The following TRPM3 variants were observed in gnomAD, a reference collection of about 807,000 sequenced individuals.
TRPM3 encodes the protein long transient receptor potential channel 3.
In TRPM3, 77 loss-of-function variants were observed where a neutral mutation model predicts 181.2. That is an observed-to-expected ratio of 0.42 (90% CI 0.35 to 0.51). The LOEUF is 0.51. Ranked by LOEUF, TRPM3 falls within the 20% of genes least tolerant of loss-of-function variation. The pLI is 0.01. For synonymous variants in TRPM3, 745 were observed against 796.4 expected (o/e 0.94, Z 1.09); for missense variants, 1,759 against 2,196.7 (o/e 0.80, Z 3.98).
At chr9:71,315,522 G>A (rs921106813) in intron 1 of TRPM3, among the ~76,000 whole-genome samples, 4 of 151,972 alleles carry the variant, frequency 2.6e-5, no homozygotes, top group Admixed American at 6.6e-5. Flanking sequence ...TATAGCTTGA[G>A]CTCTAAATTT....
intron 1 of TRPM3, among the ~76,000 whole-genome samples, chr9:70,925,999 A>C (rs1218573901): frequency 0.022 from 10 of 448 alleles, no homozygotes; most frequent in Admixed American, 0.18. Flanking sequence ...TGGGAAAACA[A>C]AAAAAAAAAA....
chr9:71,264,448 T>C (rs2083257380), intron 1 of TRPM3, among the ~76,000 whole-genome samples: 1 of 152,134 alleles, frequency 6.6e-6, no homozygotes, highest in Non-Finnish European at 1.5e-5. Context: ...AGGGAGTGAA[T>C]GATGTTTCAG....
chr9:70,688,347 T>C (rs897429996), intron 8 of TRPM3, among the ~76,000 whole-genome samples: 7 of 152,204 alleles, frequency 4.6e-5, no homozygotes, highest in Non-Finnish European at 1.0e-4. Flanking sequence ...GGCCTTTGGT[T>C]ACATGGATAA....
intron 9 of TRPM3, among the ~76,000 whole-genome samples, chr9:70,662,873 A>C (rs2061324303): frequency 6.6e-6 from 1 of 152,218 alleles, no homozygotes. Context: ...CATTTAGTCC[A>C]GCAATCCTGC....
intron 1 of TRPM3, among the ~76,000 whole-genome samples, chr9:71,290,027 C>T (rs781438647): frequency 2.6e-5 from 4 of 151,480 alleles, no homozygotes; most frequent in Non-Finnish European, 4.4e-5. Flanking sequence ...ATCAAAGTAT[C>T]ACATGTACCC....
chr9:71,040,765 G>T (rs139095789), intron 1 of TRPM3, among the ~76,000 whole-genome samples: 1 of 152,056 alleles, frequency 6.6e-6, no homozygotes, highest in African/African-American at 2.4e-5. Context: ...GGTGTCTTCC[G>T]ATACAAGCCA....
At chr9:70,601,079 C>T (rs561777217) in intron 20 of TRPM3, among the ~76,000 whole-genome samples, 2 of 152,190 alleles carry the variant, frequency 1.3e-5, no homozygotes, top group South Asian at 2.1e-4. Context: ...AGTCTAGGGA[C>T]GGATCTGTCA....
intron 8 of TRPM3, among the ~76,000 whole-genome samples, chr9:70,689,462 G>A (rs985695026): frequency 2.0e-5 from 3 of 151,606 alleles, no homozygotes; most frequent in African/African-American, 7.2e-5. Flanking sequence ...ACTGTGAAAA[G>A]TTAGTGTTAT....
intron 1 of TRPM3, among the ~76,000 whole-genome samples, chr9:71,130,313 A>C (rs2074291875): frequency 6.6e-6 from 1 of 152,216 alleles, no homozygotes; most frequent in Non-Finnish European, 1.5e-5. Context: ...ATCTCAAAAA[A>C]ATACCATGAT....
chr9:71,330,345 A>G (rs996908378), intron 1 of TRPM3, among the ~76,000 whole-genome samples: 2 of 151,882 alleles, frequency 1.3e-5, no homozygotes, highest in Non-Finnish European at 2.9e-5. Context: ...GCCTGCTCCA[A>G]TGAGAGAAAA....
chr9:70,659,408 G>A lies in TRPM3; in HGVS notation c.1346-18748C>T, dbSNP rs544370876. 5.3e-5 allele frequency among the ~76,000 whole-genome samples: 8 copies of A among 152,144 alleles called. No homozygotes were observed. In the East Asian group the frequency reaches 1.4e-3, roughly 26 times the overall value. ...TGACCCAACTCATAGGTATTTGATG[G>A]TACAAATCCATGGCTGGGTTGGGTT... On this transcript the variant is annotated intron_variant, in intron 9 of 25. Coordinates refer to ENST00000677713, the MANE Select transcript of TRPM3 (RefSeq NM_001366145.2).
intron 1 of TRPM3, among the ~76,000 whole-genome samples, chr9:71,241,454 C>T (rs987007431): frequency 1.4e-5 from 2 of 141,904 alleles, no homozygotes; most frequent in East Asian, 4.2e-4. Context: ...AATGAGAACA[C>T]ATGGACACCG....
intron 9 of TRPM3, among the ~76,000 whole-genome samples, chr9:70,656,594 T>C (rs1323360736): frequency 6.6e-6 from 1 of 152,242 alleles, no homozygotes; most frequent in Non-Finnish European, 1.5e-5. Context: ...TGGCAGTCCA[T>C]AACTGTAAAT....
chr9:71,100,516 G>A (rs2068161403), intron 1 of TRPM3, among the ~76,000 whole-genome samples: 1 of 151,980 alleles, frequency 6.6e-6, no homozygotes, highest in Non-Finnish European at 1.5e-5. Context: ...TGAATTATGA[G>A]GATACTAACC....
At chr9:71,090,964 C>T (rs1186767929) in intron 1 of TRPM3, among the ~76,000 whole-genome samples, 1 of 151,978 alleles carries the variant, frequency 6.6e-6, no homozygotes, top group African/African-American at 2.4e-5. Context: ...GATTTATATC[C>T]ACAGTAGGAC....
intron 1 of TRPM3, among the ~76,000 whole-genome samples, chr9:71,055,418 G>A (rs2060550000): frequency 6.6e-6 from 1 of 152,008 alleles, no homozygotes; most frequent in African/African-American, 2.4e-5. Flanking sequence ...CACAGAGTTT[G>A]GAAAAGTAAA....
chr9:71,165,498 T>A (rs1201067798), intron 1 of TRPM3, among the ~76,000 whole-genome samples: 1 of 152,118 alleles, frequency 6.6e-6, no homozygotes, highest in Non-Finnish European at 1.5e-5. Flanking sequence ...TGGGACCTTT[T>A]ATATTACAAC....
chr9:70,909,027 T>TATTTCTTTGGAGTAGGCAAAG (rs1291819860), intron 1 of TRPM3, among the ~76,000 whole-genome samples: 3 of 152,234 alleles, frequency 2.0e-5, no homozygotes. Context: ...AAAGCATCTT[T>TATTTCTTTGGAGTAGGCAAAG]ATTTCTTTGG....
At chr9:71,039,626 T>C (rs1041484796) in intron 1 of TRPM3, among the ~76,000 whole-genome samples, 1 of 152,174 alleles carries the variant, frequency 6.6e-6, no homozygotes, top group Admixed American at 6.5e-5. Context: ...TCAAGATTAT[T>C]CTTACTAATG....
Sources: gnomAD v4.1 joint callset for allele counts (sites outside exome capture counted in the v4.1 genomes callset) on GRCh38, gnomAD v4.1.1 for gene constraint, MANE v1.5 for transcripts, NCBI Gene and HGNC (gene_info 2026-07-23, HGNC 2026-07-21) for gene names.